CSGALNACT1: variants seen among roughly 807,000 people sequenced by gnomAD.
The protein encoded by CSGALNACT1 is beta4GalNAcT-1.
In CSGALNACT1, 52 loss-of-function variants were observed where a neutral mutation model predicts 51.0. That is an observed-to-expected ratio of 1.02 (90% CI 0.82 to 1.29). CSGALNACT1 has a LOEUF of 1.29. Ranked by LOEUF, CSGALNACT1 falls within the 50% of genes most tolerant of loss-of-function variation. The pLI is 0.00. For missense variants in CSGALNACT1, 935 were observed against 679.2 expected (o/e 1.38, Z -4.19); for synonymous variants, 341 against 254.4 (o/e 1.34, Z -3.24).
chr8:19,545,147 G>A (rs1734322196), intron 3 of CSGALNACT1, among the ~76,000 whole-genome samples: 2 of 152,064 alleles, frequency 1.3e-5, no homozygotes, highest in Admixed American at 1.3e-4. Context: ...CAATAAAACT[G>A]TTAAAATCCT....
upstream of CSGALNACT1, among the ~76,000 whole-genome samples, chr8:19,683,561 AC>A (rs1430717714): frequency 1.3e-5 from 2 of 152,220 alleles, no homozygotes; most frequent in African/African-American, 4.8e-5. Context: ...ATTAAAAATA[AC>A]TACCTAGAAC....
chr8:19,442,942 C>A (rs1016945606), intron 5 of CSGALNACT1, among the ~76,000 whole-genome samples: 1 of 152,142 alleles, frequency 6.6e-6, no homozygotes, highest in Non-Finnish European at 1.5e-5. Context: ...GCAGAACAGT[C>A]ACTGAAGTTC....
chr8:19,418,729 A>T, exon 8 of CSGALNACT1: 1 of 1,612,300 alleles, frequency 6.2e-7, no homozygotes, highest in Non-Finnish European at 8.5e-7. Flanking sequence ...ACTGAAAAGA[A>T]CTGGATAAAA....
At chr8:19,746,015 A>T (rs2064637603) in intron 1 of CSGALNACT1, among the ~76,000 whole-genome samples, 1 of 152,144 alleles carries the variant, frequency 6.6e-6, no homozygotes, top group Non-Finnish European at 1.5e-5. Flanking sequence ...GTTAAGTTTC[A>T]GCTCCTTGAT....
At chr8:19,516,025 G>A (rs969476217) in intron 3 of CSGALNACT1, among the ~76,000 whole-genome samples, 1 of 152,122 alleles carries the variant, frequency 6.6e-6, no homozygotes, top group African/African-American at 2.4e-5. Context: ...ACCCCGCAAG[G>A]AGACCTGACT....
intron 1 of CSGALNACT1, chr8:19,678,787 T>C (rs1471162938): frequency 6.6e-6 from 1 of 152,190 alleles, no homozygotes; most frequent in Non-Finnish European, 1.5e-5. Context: ...ATAGGAAGTA[T>C]GTCCAAATGA....
chr8:19,476,473 C>T (rs2153892492), intron 4 of CSGALNACT1, among the ~76,000 whole-genome samples: 1 of 152,256 alleles, frequency 6.6e-6, no homozygotes, highest in South Asian at 2.1e-4. Context: ...AACTCCTGAC[C>T]TCAGGTGATC....
chr8:19,672,120 T>C (rs2059839127), intron 1 of CSGALNACT1, among the ~76,000 whole-genome samples: 1 of 152,222 alleles, frequency 6.6e-6, no homozygotes, highest in Non-Finnish European at 1.5e-5. Flanking sequence ...CTTAAAGCAA[T>C]GTGCTCAGAT....
At chr8:19,511,654 T>C (rs1338020944) in intron 3 of CSGALNACT1, among the ~76,000 whole-genome samples, 2 of 152,328 alleles carry the variant, frequency 1.3e-5, no homozygotes, top group East Asian at 1.9e-4. Context: ...CTGGTATTCA[T>C]ACCACTGTGT....
Position 19,406,018 on chromosome 8 carries a change from T to A in CSGALNACT1, c.1361A>T (p.Tyr454Phe), listed in dbSNP as rs753145212. The change falls in exon 10 of 10, where the codon TAT (tyrosine) becomes TTT (phenylalanine). Residue 454 changes from tyrosine to phenylalanine, a missense_variant. Physicochemically the swap from Tyr to Phe is conservative, Grantham distance 22. Coordinates refer to ENST00000454498, the Ensembl canonical transcript of CSGALNACT1. ...GAGGTTGCTGTGGAGATACTTGCGA[T>A]AAAGGTGCACATCCTCTCCGCCCCA... 1.9e-5 allele frequency: 31 copies of A among 1,614,096 alleles called. No individual in the cohort carries two copies. Among genetic ancestry groups the A allele is most frequent in the African/African-American group, 4.0e-5 (3 of 74,934 alleles).
At chr8:19,502,237 G>C (rs1425066615) in intron 4 of CSGALNACT1, among the ~76,000 whole-genome samples, 3 of 152,206 alleles carry the variant, frequency 2.0e-5, no homozygotes, top group East Asian at 1.9e-4. Flanking sequence ...AGAGATGGTT[G>C]CTTGGCAAAG....
chr8:19,516,498 T>C (rs1291751771), intron 3 of CSGALNACT1, among the ~76,000 whole-genome samples: 3 of 152,198 alleles, frequency 2.0e-5, no homozygotes, highest in East Asian at 1.9e-4. Context: ...AAACGTGGCA[T>C]GAATCACTGC....
intron 1 of CSGALNACT1, among the ~76,000 whole-genome samples, chr8:19,688,026 T>A (rs752640514): frequency 8.5e-5 from 13 of 152,198 alleles, no homozygotes; most frequent in Non-Finnish European, 1.5e-4. Context: ...ATCTACTTTA[T>A]AGGAGTCATC....
chr8:19,406,101 C>T (rs907029196), intron 9 of CSGALNACT1, 32 bp from the exon 9 acceptor site: 1 of 1,613,216 alleles, frequency 6.2e-7, no homozygotes, highest in Non-Finnish European at 8.5e-7. Context: ...TTGAATCACA[C>T]TGCACTGATC....
At chr8:19,598,140 C>G (rs1030508615) in intron 2 of CSGALNACT1, among the ~76,000 whole-genome samples, 2 of 152,114 alleles carry the variant, frequency 1.3e-5, no homozygotes, top group African/African-American at 4.8e-5. Flanking sequence ...AGGTAGAACC[C>G]AACTCAATGA....
intron 3 of CSGALNACT1, among the ~76,000 whole-genome samples, chr8:19,562,577 C>T (rs1190547410): frequency 1.3e-5 from 2 of 151,046 alleles, no homozygotes; most frequent in African/African-American, 4.9e-5. Flanking sequence ...GTCTAATATC[C>T]AGAGTCTTAA....
intron 3 of CSGALNACT1, among the ~76,000 whole-genome samples, chr8:19,528,257 G>C (rs1042699273): frequency 6.6e-6 from 1 of 151,072 alleles, no homozygotes. Flanking sequence ...TTTCCGACTC[G>C]TTCAGGACTG....
At chr8:19,581,167 A>G (rs2045483127) in intron 3 of CSGALNACT1, among the ~76,000 whole-genome samples, 1 of 152,232 alleles carries the variant, frequency 6.6e-6, no homozygotes. Flanking sequence ...CACAATTAGG[A>G]GAAATATAAA....
chr8:19,404,197 A>G (rs1306637796), exon 10 of CSGALNACT1: 1 of 380,520 alleles, frequency 2.6e-6, no homozygotes, highest in East Asian at 7.3e-5. Flanking sequence ...GCTGTGCAAT[A>G]CCACCTTCCA....
Sources: gnomAD v4.1 joint callset for allele counts (sites outside exome capture counted in the v4.1 genomes callset) on GRCh38, gnomAD v4.1.1 for gene constraint, MANE v1.5 for transcripts, NCBI Gene and HGNC (gene_info 2026-07-23, HGNC 2026-07-21) for gene names.